The following SCML2 variants were observed in gnomAD, a reference collection of about 807,000 sequenced individuals.
SCML2 encodes Scm polycomb group protein like 2.
Under a neutral mutation model 48.4 loss-of-function variants are expected in SCML2, and 6 were observed. The ratio of observed to expected loss-of-function variants is 0.12; its 90% CI spans 0.07 to 0.24. The LOEUF is 0.24. Among genes scored for constraint, SCML2 ranks in the 10% least tolerant of loss-of-function variants. The probability of loss-of-function intolerance (pLI) is 1.00; values close to 1 mark genes in which losing one functional copy is unlikely to be tolerated. For missense variants in SCML2, 377 were observed against 528.2 expected (o/e 0.71, Z 2.81); for synonymous variants, 181 against 189.5 (o/e 0.95, Z 0.37).
chrX:18,243,161 C>A (rs1221379862), intron 13 of SCML2, among the ~76,000 whole-genome samples: 1 of 111,552 alleles, frequency 9.0e-6, no homozygotes, highest in African/African-American at 3.3e-5. Context: ...GCAGCGCTGA[C>A]CTCCCAGGCT....
intron 7 of SCML2, among the ~76,000 whole-genome samples, chrX:18,274,430 C>A (rs6654038): frequency 6.9e-4 from 78 of 112,497 alleles, no homozygotes; most frequent in African/African-American, 2.0e-3. Flanking sequence ...GCTTCAATAA[C>A]CTCTCACATA....
intron 7 of SCML2, among the ~76,000 whole-genome samples, chrX:18,299,850 C>T (rs1436358172): frequency 9.1e-6 from 1 of 109,571 alleles, no homozygotes; most frequent in Non-Finnish European, 1.9e-5. Flanking sequence ...GCAATCCTTC[C>T]ACCTCAGCCT....
intron 7 of SCML2, among the ~76,000 whole-genome samples, chrX:18,282,800 T>C (rs966635293): frequency 2.0e-4 from 22 of 111,178 alleles, no homozygotes; most frequent in Non-Finnish European, 4.0e-4. Flanking sequence ...GAATCAGTAA[T>C]AAAAAACCTG....
At position 18,292,701 on chromosome X, in the gene SCML2, C is replaced by T. The variant is rs767116744; in HGVS notation, c.730+12271G>A. Among the ~76,000 whole-genome samples the T allele has an allele frequency of 2.2e-4, 24 of 111,120 alleles. No homozygotes were observed. The East Asian group carries it at 5.6e-3, about 26-fold the overall frequency. The stretch of plus-strand genomic sequence containing the variant: ...ACTTCCCTTACCATTCAACATCCTT[C>T]GCAGAAATAATCAGTATTATAGATC... On this transcript the variant is annotated intron_variant, in intron 7 of 14. Transcript: ENST00000251900.
At position 18,342,528 on chromosome X, in the gene SCML2, A is replaced by G. The variant is rs186308500; in HGVS notation, c.-24-8433T>C. On this transcript the variant is annotated intron_variant, in intron 1 of 14. Coordinates refer to ENST00000251900, the MANE Select transcript of SCML2 (RefSeq NM_006089.3). ...GGAGTTCAAGGCCAGCCTGGCCAAC[A>G]TGGTGAAACCCCATCTCTACCAAAA... Among the ~76,000 whole-genome samples the G allele has an allele frequency of 5.1e-3, 570 of 111,443 alleles. 4 individuals are homozygous for G. The highest frequency in any genetic ancestry group is 0.018 in the African/African-American group (538 of 30,700).
intron 1 of SCML2, among the ~76,000 whole-genome samples, chrX:18,336,454 T>C (rs1360237437): frequency 1.2e-5 from 1 of 82,792 alleles, no homozygotes; most frequent in African/African-American, 4.7e-5. Flanking sequence ...AAAAAAAAAA[T>C]GGCCAGGCAC....
intron 7 of SCML2, among the ~76,000 whole-genome samples, chrX:18,276,629 C>A (rs988013660): frequency 1.4e-4 from 16 of 112,033 alleles, no homozygotes; most frequent in African/African-American, 4.9e-4. Flanking sequence ...CATATCCATA[C>A]AAAGGAATAG....
At chrX:18,253,300 A>G (rs1057117101) in intron 11 of SCML2, among the ~76,000 whole-genome samples, 3 of 111,865 alleles carry the variant, frequency 2.7e-5, no homozygotes, top group African/African-American at 9.7e-5. Context: ...TGCTTAAAAA[A>G]GAGGAAACTT....
chrX:18,242,721 T>A (rs1602069116), intron 13 of SCML2, 131 bp from the exon 14 acceptor site: 2 of 649,131 alleles, frequency 3.1e-6, no homozygotes, highest in East Asian at 3.7e-5. Flanking sequence ...GTCTCAAGAC[T>A]CCAACTGTGA....
intron 5 of SCML2, among the ~76,000 whole-genome samples, chrX:18,322,745 T>A (rs769767449): frequency 1.8e-5 from 2 of 110,311 alleles, no homozygotes; most frequent in South Asian, 3.9e-4. Context: ...AATACAAAAA[T>A]TAGCCAGGCG....
At position 18,316,832 on chromosome X, in the gene SCML2, G is replaced by A. The variant is rs750442960; in HGVS notation, c.486+3500C>T. Among the ~76,000 whole-genome samples the A allele has an allele frequency of 8.1e-4, 91 of 112,360 alleles. 1 individual carries two copies. The highest frequency in any genetic ancestry group is 1.4e-3 in the Non-Finnish European group (74 of 53,257). ...AGAGGCATTAGATTCTCATACGAGTGCAAACCCTATTGTGAACTGCACATG... is the reference window on the plus strand; with the variant it reads ...AGAGGCATTAGATTCTCATACGAGTACAAACCCTATTGTGAACTGCACATG... On this transcript the variant is annotated intron_variant, in intron 6 of 14. Coordinates refer to ENST00000251900, the MANE Select transcript of SCML2 (RefSeq NM_006089.3).
Position 18,324,921 on chromosome X carries a change from C to T in SCML2, c.148G>A (p.Glu50Lys). The change falls in exon 4 of 15, where the codon GAG becomes AAG. Residue 50 changes from glutamate (E) to lysine (K), a missense_variant. This residue lies in a region of SCML2 where 61 missense variants were observed against 59.9 expected (regional missense o/e 1.02). Transcript: ENST00000251900. ...TCTTGGCATACCTGACGGAAGCACTCTGAAGGAGCACTTATAGACCCAGTC... is the reference window on the plus strand; with the variant it reads ...TCTTGGCATACCTGACGGAAGCACTTTGAAGGAGCACTTATAGACCCAGTC... ...KETGSISAPS[E>K]CFRQSQIPPV... 2 of 1,202,175 alleles carry T rather than the reference C, an allele frequency of 1.7e-6. No homozygotes were observed. Among genetic ancestry groups the T allele is most frequent in the African/African-American group, 3.5e-5 (2 of 57,653 alleles).
At chrX:18,295,510 T>A (rs1429949579) in intron 7 of SCML2, among the ~76,000 whole-genome samples, 1 of 106,572 alleles carries the variant, frequency 9.4e-6, no homozygotes, top group Non-Finnish European at 1.9e-5. Context: ...CATGAACACA[T>A]GCTGCTTTGG....
intron 7 of SCML2, among the ~76,000 whole-genome samples, chrX:18,280,545 T>C (rs1279409134): frequency 9.0e-6 from 1 of 111,026 alleles, no homozygotes; most frequent in Non-Finnish European, 1.9e-5. Context: ...GGCTAAACAC[T>C]CCACTTAAAA....
At chrX:18,315,701 G>A (rs775797412) in intron 6 of SCML2, among the ~76,000 whole-genome samples, 2 of 111,469 alleles carry the variant, frequency 1.8e-5, no homozygotes, top group Non-Finnish European at 3.8e-5. Context: ...TCCAGTAACC[G>A]TTCAACCCCA....
chrX:18,342,012 G>A (rs1175038452), intron 1 of SCML2, among the ~76,000 whole-genome samples: 1 of 111,964 alleles, frequency 8.9e-6, no homozygotes, highest in Non-Finnish European at 1.9e-5. Flanking sequence ...GGTGGCAATA[G>A]ATGCAGACAG....
intron 14 of SCML2, 139 bp downstream of exon 14, chrX:18,242,300 G>A: frequency 1.6e-6 from 1 of 621,820 alleles, no homozygotes; most frequent in South Asian, 4.4e-5. Context: ...ACTAATCTTG[G>A]GAAAAATAAC....
intron 11 of SCML2, among the ~76,000 whole-genome samples, chrX:18,254,384 C>G (rs1302238797): frequency 8.9e-6 from 1 of 111,887 alleles, no homozygotes; most frequent in Admixed American, 9.5e-5. Flanking sequence ...AGAGTTCCAA[C>G]TCAAAGCCAT....
intron 1 of SCML2, among the ~76,000 whole-genome samples, chrX:18,345,033 C>G (rs1930155395): frequency 9.0e-6 from 1 of 111,209 alleles, no homozygotes; most frequent in Non-Finnish European, 1.9e-5. Flanking sequence ...TTATTACAAG[C>G]CTGCATAGTA....
Sources: allele counts gnomAD v4.1 joint callset (sites outside exome capture counted in the v4.1 genomes callset), GRCh38; gene constraint gnomAD v4.1.1; regional missense constraint gnomAD v4.1.1; transcripts MANE v1.5; gene names NCBI Gene and HGNC (gene_info 2026-07-23, HGNC 2026-07-21).